The following TASP1 variants were observed in gnomAD, a reference collection of about 807,000 sequenced individuals.
TASP1 encodes the protein taspase 1, also known as threonine aspartase 1.
Under a neutral mutation model 56.6 loss-of-function variants are expected in TASP1, and 16 were observed. The ratio of observed to expected loss-of-function variants is 0.28; its 90% CI spans 0.19 to 0.43. TASP1 has a LOEUF of 0.43. TASP1 is among the 20% of genes least tolerant of loss of function. TASP1 has a pLI of 1.00. For synonymous variants in TASP1, 179 were observed against 184.2 expected, an observed-to-expected ratio of 0.97 and a Z score of 0.23; for missense variants, 393 against 511.6, an observed-to-expected ratio of 0.77 and a Z score of 2.24.
At chr20:13,371,238 T>C in the TASP1 span, among the ~76,000 whole-genome samples, 1 of 152,160 alleles carries the variant, frequency 6.6e-6, no homozygotes, top group Admixed American at 6.5e-5. Flanking sequence ...TTCTCCATTG[T>C]CTTAAGGTAG....
At chr20:13,551,022 T>C (rs1374810495) in intron 8 of TASP1, among the ~76,000 whole-genome samples, 1 of 152,158 alleles carries the variant, frequency 6.6e-6, no homozygotes, top group Non-Finnish European at 1.5e-5. Flanking sequence ...CACAATATAC[T>C]TCAAAAGAAT....
intron 12 of TASP1, among the ~76,000 whole-genome samples, chr20:13,421,033 G>A (rs766543526): frequency 4.0e-5 from 6 of 150,594 alleles, no homozygotes; most frequent in Non-Finnish European, 5.9e-5. Flanking sequence ...AAACCATAAC[G>A]AAACCCAGAG....
At chr20:13,109,670 T>C in the TASP1 span, among the ~76,000 whole-genome samples, 1 of 152,214 alleles carries the variant, frequency 6.6e-6, no homozygotes, top group Non-Finnish European at 1.5e-5. Flanking sequence ...AAATCAAGGC[T>C]CAAAGTGTAG....
At chr20:13,418,189 G>A (rs1454659033) in intron 12 of TASP1, among the ~76,000 whole-genome samples, 2 of 152,172 alleles carry the variant, frequency 1.3e-5, no homozygotes, top group African/African-American at 4.8e-5. Flanking sequence ...TGAGATTACA[G>A]GTGTGAGCCA....
At chr20:13,198,498 G>A in the TASP1 span, among the ~76,000 whole-genome samples, 1 of 152,198 alleles carries the variant, frequency 6.6e-6, no homozygotes, top group South Asian at 2.1e-4. Context: ...TCACATTGAG[G>A]GTTAGGATTT....
the TASP1 span, among the ~76,000 whole-genome samples, chr20:13,315,604 C>T: frequency 6.6e-6 from 1 of 151,846 alleles, no homozygotes; most frequent in African/African-American, 2.4e-5. Flanking sequence ...TTCAATACCC[C>T]AACATCCCTC....
the TASP1 span, among the ~76,000 whole-genome samples, chr20:13,256,802 G>A: frequency 6.6e-6 from 1 of 152,158 alleles, no homozygotes; most frequent in Non-Finnish European, 1.5e-5. Context: ...GTACAATGGG[G>A]GTGATGATAA....
chr20:13,170,118 GC>G, the TASP1 span, among the ~76,000 whole-genome samples: 1 of 152,132 alleles, frequency 6.6e-6, no homozygotes, highest in Non-Finnish European at 1.5e-5. Flanking sequence ...CTTACCACAT[GC>G]CAGACACGAT....
Position 13,458,772 on chromosome 20 carries a change from G to A in TASP1, c.986-23618C>T, listed in dbSNP as rs898806129. On this transcript the variant is annotated intron_variant, in intron 11 of 13. Transcript: ENST00000337743. ...TTGTTGCATGTTCATGTTAGTTAAC[G>A]CCACAGCTCAGCGAAAAAACAACTG... Among the ~76,000 whole-genome samples the A allele has an allele frequency of 3.9e-5, 6 of 152,138 alleles. No individual in the cohort carries two copies. In the South Asian group the frequency reaches 1.0e-3, roughly 26 times the overall value.
chr20:13,259,895 T>C, the TASP1 span, among the ~76,000 whole-genome samples: 7 of 152,228 alleles, frequency 4.6e-5, no homozygotes, highest in Non-Finnish European at 1.0e-4. Context: ...TTTGGAAAAG[T>C]TGTCTTAACA....
chr20:13,366,279 A>G, the TASP1 span, among the ~76,000 whole-genome samples: 1 of 152,188 alleles, frequency 6.6e-6, no homozygotes, highest in Non-Finnish European at 1.5e-5. Context: ...TGAAGAAAAG[A>G]GGGCTGAGAA....
the TASP1 span, chr20:13,166,113 A>T: frequency 6.6e-6 from 1 of 152,638 alleles, no homozygotes; most frequent in African/African-American, 2.4e-5. Flanking sequence ...AATTCTAGAG[A>T]GCAGTGGTGA....
chr20:13,515,459 T>C (rs1175097332), intron 10 of TASP1, among the ~76,000 whole-genome samples: 4 of 151,094 alleles, frequency 2.6e-5, no homozygotes, highest in Non-Finnish European at 4.4e-5. Flanking sequence ...ATCTGGGAGC[T>C]TGCGAAAATG....
At chr20:13,629,641 T>C (rs2049017262) in intron 2 of TASP1, among the ~76,000 whole-genome samples, 1 of 151,972 alleles carries the variant, frequency 6.6e-6, no homozygotes, top group Non-Finnish European at 1.5e-5. Context: ...GTTCAAAAAT[T>C]ACTTTGTCTG....
At position 13,477,917 on chromosome 20, in the gene TASP1, C is replaced by A. The variant is rs1255869273; in HGVS notation, c.985+5310G>T. Reference sequence around the variant, plus strand: ...GCCCTGATCTTGGCATAAGGTAATGCAAGTGGAAACAAAAACATTTCAATC... The same window carrying A: ...GCCCTGATCTTGGCATAAGGTAATGAAAGTGGAAACAAAAACATTTCAATC... On this transcript the variant is annotated intron_variant, in intron 11 of 13. Coordinates refer to ENST00000337743, the MANE Select transcript of TASP1 (RefSeq NM_017714.3). Among the ~76,000 whole-genome samples, 79 of 152,082 alleles carry A rather than the reference C, an allele frequency of 5.2e-4. 1 individual carries two copies. The highest frequency in any genetic ancestry group is 5.0e-3 in the Admixed American group (76 of 15,242).
At chr20:13,227,976 T>C in the TASP1 span, among the ~76,000 whole-genome samples, 5 of 144,628 alleles carry the variant, frequency 3.5e-5, no homozygotes, top group Non-Finnish European at 4.5e-5. Flanking sequence ...TTTTTTTTTT[T>C]CTTTTTGAGA....
chr20:13,310,982 T>C, the TASP1 span, among the ~76,000 whole-genome samples: 1 of 152,124 alleles, frequency 6.6e-6, no homozygotes, highest in African/African-American at 2.4e-5. Flanking sequence ...TCACCTGAGG[T>C]CAGGAGTTTG....
At chr20:13,104,871 C>CT in the TASP1 span, among the ~76,000 whole-genome samples, 213 of 152,110 alleles carry the variant, frequency 1.4e-3, 1 homozygote, top group African/African-American at 4.6e-3. Context: ...GTTTGGGGAA[C>CT]TTTTTTTAAC....
At chr20:13,166,110 G>C in the TASP1 span, 1 of 152,638 alleles carries the variant, frequency 6.6e-6, no homozygotes, top group Non-Finnish European at 1.5e-5. Context: ...GGAAATTCTA[G>C]AGAGCAGTGG....
Sources: gnomAD v4.1 joint callset for allele counts (sites outside exome capture counted in the v4.1 genomes callset) on GRCh38, gnomAD v4.1.1 for gene constraint, MANE v1.5 for transcripts, NCBI Gene and HGNC (gene_info 2026-07-23, HGNC 2026-07-21) for gene names.